The following CRPPA variants were observed in gnomAD, a reference collection of about 807,000 sequenced individuals.
CRPPA encodes CDP-L-ribitol pyrophosphorylase A.
A neutral mutation model predicts 52.0 loss-of-function variants in CRPPA; 43 were observed. The ratio of observed to expected loss-of-function variants is 0.83; its 90% CI spans 0.65 to 1.07. The LOEUF (loss-of-function observed/expected upper bound fraction) is 1.07, where lower values mean the gene tolerates loss of function less well. CRPPA is among the 50% of genes least tolerant of loss of function. The pLI is 0.00. For missense variants in CRPPA, 629 were observed against 551.7 expected (o/e 1.14, Z -1.40); for synonymous variants, 250 against 203.5 (o/e 1.23, Z -1.94).
At chr7:16,163,005 G>C (rs6969986) in intron 9 of CRPPA, among the ~76,000 whole-genome samples, 2 of 121,014 alleles carry the variant, frequency 1.7e-5, no homozygotes, top group East Asian at 4.8e-4. Flanking sequence ...ACGGAGTCTC[G>C]CTCTGTTGCC....
At chr7:16,418,090 G>A (rs2128320589) in intron 1 of CRPPA, among the ~76,000 whole-genome samples, 1 of 152,242 alleles carries the variant, frequency 6.6e-6, no homozygotes, top group Middle Eastern at 3.4e-3. Flanking sequence ...CATACCCTAA[G>A]AAAACTATCA....
intron 3 of CRPPA, among the ~76,000 whole-genome samples, chr7:16,345,120 T>A (rs1201657656): frequency 6.6e-6 from 1 of 152,176 alleles, no homozygotes; most frequent in Non-Finnish European, 1.5e-5. Flanking sequence ...GAGCTACTCA[T>A]CATGCACAAC....
chr7:16,210,554 G>A (rs1302406128), intron 9 of CRPPA: 19 of 152,174 alleles, frequency 1.2e-4, no homozygotes, highest in Admixed American at 1.2e-3. Flanking sequence ...ATCATGAACT[G>A]AGGCCTCAGT....
In CRPPA at chr7:16,387,070, T is replaced by C. The variant is rs1054007920; in HGVS notation, c.535-10829A>G. ...ATATATATATATATATATATATATATATATATATATATATATACACACATA... is the reference window on the plus strand; with the variant it reads ...ATATATATATATATATATATATATACATATATATATATATATACACACATA... On this transcript the variant is annotated intron_variant, in intron 2 of 9. Coordinates refer to ENST00000407010, the MANE Select transcript of CRPPA (RefSeq NM_001101426.4). Among the ~76,000 whole-genome samples, 22 of 67,586 alleles carry C rather than the reference T, an allele frequency of 3.3e-4. 2 individuals carry two copies. The highest frequency in any genetic ancestry group is 1.7e-3 in the African/African-American group (20 of 12,012). 44.3% of individuals were successfully genotyped at this position (67,586 alleles called of 152,430 possible). A position where few individuals can be genotyped will look rare whatever the true frequency, so the allele number is the denominator to read the frequency against.
intron 2 of CRPPA, among the ~76,000 whole-genome samples, chr7:16,392,510 A>G (rs577919912): frequency 3.9e-4 from 59 of 152,274 alleles, no homozygotes; most frequent in Non-Finnish European, 7.1e-4. Context: ...ATAATGAGGA[A>G]TACGCAAAAT....
intron 9 of CRPPA, among the ~76,000 whole-genome samples, chr7:16,186,820 T>G (rs1452076444): frequency 6.6e-6 from 1 of 152,140 alleles, no homozygotes; most frequent in Non-Finnish European, 1.5e-5. Flanking sequence ...GAGCAAAATC[T>G]AGAAAACTCA....
At chr7:16,374,972 A>G (rs1306253749) in intron 3 of CRPPA, among the ~76,000 whole-genome samples, 1 of 152,218 alleles carries the variant, frequency 6.6e-6, no homozygotes, top group African/African-American at 2.4e-5. Flanking sequence ...AACACTGGTA[A>G]TCTCACATTT....
chr7:16,230,225 TG>T (rs1782757777), intron 8 of CRPPA, among the ~76,000 whole-genome samples: 1 of 152,230 alleles, frequency 6.6e-6, no homozygotes, highest in Non-Finnish European at 1.5e-5. Flanking sequence ...GTAAGCTTTC[TG>T]TCTTTTTCTC....
At chr7:16,183,460 C>A (rs904011191) in intron 9 of CRPPA, among the ~76,000 whole-genome samples, 2 of 152,168 alleles carry the variant, frequency 1.3e-5, no homozygotes, top group Non-Finnish European at 2.9e-5. Flanking sequence ...GAGAACTTGC[C>A]TTATGGACTG....
intron 1 of CRPPA, among the ~76,000 whole-genome samples, chr7:16,416,866 C>T (rs1351402184): frequency 1.3e-5 from 2 of 152,024 alleles, no homozygotes; most frequent in East Asian, 3.9e-4. Flanking sequence ...AGCTTCTGCA[C>T]AGCAATTGAA....
rs59002603 is a variant in CRPPA at position 16,171,173 on chromosome 7, G to A, written c.1251+44893C>T. 5.8e-3 allele frequency among the ~76,000 whole-genome samples: 886 copies of A among 152,308 alleles called. 10 individuals are homozygous for A. The highest frequency in any genetic ancestry group is 0.02 in the African/African-American group (849 of 41,566). On this transcript the variant is annotated intron_variant, in intron 9 of 9. Transcript: ENST00000407010. ...TTAAAGGATAGATTTTTGGCAGAAA[G>A]ACATTATTTTTAAATCTCTTAGTAG...
At chr7:16,135,729 T>C (rs774536545) in intron 9 of CRPPA, among the ~76,000 whole-genome samples, 20 of 152,206 alleles carry the variant, frequency 1.3e-4, no homozygotes, top group Non-Finnish European at 2.8e-4. Context: ...ACACAAATTA[T>C]TGACTACTTC....
chr7:16,303,593 A>ATTG (rs765540821), intron 4 of CRPPA, among the ~76,000 whole-genome samples: 9 of 151,836 alleles, frequency 5.9e-5, no homozygotes, highest in Non-Finnish European at 8.8e-5. Context: ...ATAAATAGGC[A>ATTG]AAACTTACAT....
intron 9 of CRPPA, among the ~76,000 whole-genome samples, chr7:16,138,836 C>T (rs1370661161): frequency 6.6e-6 from 1 of 152,114 alleles, no homozygotes; most frequent in South Asian, 2.1e-4. Flanking sequence ...AGTTTCACTC[C>T]TGTCGCCCAG....
intron 2 of CRPPA, among the ~76,000 whole-genome samples, chr7:16,393,251 A>C (rs1279651050): frequency 6.6e-6 from 1 of 152,176 alleles, no homozygotes; most frequent in Non-Finnish European, 1.5e-5. Context: ...GCATATATAC[A>C]CAGCAATATT....
chr7:16,165,994 A>G (rs1433766649), intron 9 of CRPPA, among the ~76,000 whole-genome samples: 2 of 152,376 alleles, frequency 1.3e-5, no homozygotes, highest in East Asian at 3.9e-4. Flanking sequence ...ATTTGAAAGA[A>G]AGGACAGAAT....
chr7:16,216,233 T>C, intron 8 of CRPPA, 36 bp from the exon 9 acceptor site: 1 of 1,377,246 alleles, frequency 7.3e-7, no homozygotes, highest in Non-Finnish European at 1.0e-6. Context: ...AGAATATCAT[T>C]CCCTTCAACT....
intron 8 of CRPPA, among the ~76,000 whole-genome samples, chr7:16,245,472 T>C (rs183959147): frequency 1.3e-5 from 2 of 152,336 alleles, no homozygotes; most frequent in East Asian, 3.9e-4. Flanking sequence ...TCACAATCAC[T>C]GACAGGACAA....
chr7:16,248,576 T>C lies in CRPPA; in HGVS notation c.1119+9814A>G, dbSNP rs113655879. 5.8e-4 allele frequency among the ~76,000 whole-genome samples: 89 copies of C among 152,204 alleles called. 1 individual carries two copies. The highest frequency in any genetic ancestry group is 2.0e-3 in the African/African-American group (85 of 41,552). On this transcript the variant is annotated intron_variant, in intron 8 of 9. Transcript: ENST00000407010. ...TCCAATGGAAGTACCTAATAAAATATTGGGAAATAGTGAGACAACTCAAGA... is the reference window on the plus strand; with the variant it reads ...TCCAATGGAAGTACCTAATAAAATACTGGGAAATAGTGAGACAACTCAAGA...
Sources: gnomAD v4.1 joint callset for allele counts (sites outside exome capture counted in the v4.1 genomes callset) on GRCh38, gnomAD v4.1.1 for gene constraint, MANE v1.5 for transcripts, NCBI Gene and HGNC (gene_info 2026-07-23, HGNC 2026-07-21) for gene names.